Variants in CPA6 observed in about 807,000 individuals in gnomAD.
CPA6 encodes carboxypeptidase A6, also known as carboxypeptidase B.
Under a neutral mutation model 63.3 loss-of-function variants are expected in CPA6, and 58 were observed. That is an observed-to-expected ratio of 0.92 (90% confidence interval 0.74 to 1.14). The LOEUF (loss-of-function observed/expected upper bound fraction) is 1.14, where lower values mean the gene tolerates loss of function less well. CPA6 is among the 50% of genes most tolerant of loss of function. The probability of loss-of-function intolerance (pLI) is 0.00; values close to 1 mark genes in which losing one functional copy is unlikely to be tolerated. For synonymous variants in CPA6, 185 were observed against 179.0 expected, an observed-to-expected ratio of 1.03 and a Z score of -0.27; for missense variants, 565 against 526.6, an observed-to-expected ratio of 1.07 and a Z score of -0.71.
intron 2 of CPA6, among the ~76,000 whole-genome samples, chr8:67,545,887 C>A (rs746616979): frequency 1.3e-5 from 2 of 152,050 alleles, no homozygotes; most frequent in Non-Finnish European, 2.9e-5. Flanking sequence ...TAAAATGCAG[C>A]CACCTACTGA....
intron 2 of CPA6, among the ~76,000 whole-genome samples, chr8:67,591,424 C>A (rs933324103): frequency 1.1e-4 from 16 of 152,058 alleles, no homozygotes; most frequent in Non-Finnish European, 1.6e-4. Context: ...TCTGTGAAGA[C>A]AGTCATTGGT....
At chr8:67,523,013 G>A (rs1172981591) in intron 2 of CPA6, among the ~76,000 whole-genome samples, 1 of 152,228 alleles carries the variant, frequency 6.6e-6, no homozygotes, top group Non-Finnish European at 1.5e-5. Context: ...TTATCATGGA[G>A]ATTACAGTGA....
intron 2 of CPA6, among the ~76,000 whole-genome samples, chr8:67,596,758 A>G (rs1587615580): frequency 6.6e-6 from 1 of 152,322 alleles, no homozygotes. Flanking sequence ...TCATAGTTTT[A>G]TTCAGTGGAC....
At chr8:67,435,011 C>T (rs1402372563) in intron 8 of CPA6, among the ~76,000 whole-genome samples, 2 of 152,204 alleles carry the variant, frequency 1.3e-5, no homozygotes, top group African/African-American at 4.8e-5. Context: ...CTCCTGGTGT[C>T]AAGGACTGAG....
Position 67,518,036 on chromosome 8 carries a change from C to A in CPA6, c.204G>T (p.Trp68Cys). 1 of 1,596,308 alleles carries A rather than the reference C, an allele frequency of 6.3e-7. No homozygotes were observed. Residue 68 changes from tryptophan to cysteine, a missense_variant, in exon 3 of 11, where the codon TGG (tryptophan) becomes TGT (cysteine). Trp to Cys is a radical substitution (Grantham distance 215, BLOSUM62 -2). Coordinates refer to ENST00000297770, the MANE Select transcript of CPA6 (RefSeq NM_020361.5). ...KISYQLKVDL[W>C]QPSSISYVSE... Reference sequence around the variant, plus strand: ...ATACATAGGAGATACTGCTGGGCTGCCACAGGTCCACCTGTAGTGCAGGAA... The same window carrying A: ...ATACATAGGAGATACTGCTGGGCTGACACAGGTCCACCTGTAGTGCAGGAA...
chr8:67,667,014 TA>T (rs1431623732), intron 1 of CPA6, among the ~76,000 whole-genome samples: 2 of 151,958 alleles, frequency 1.3e-5, no homozygotes, highest in Non-Finnish European at 2.9e-5. Context: ...GGCATGTGGT[TA>T]TTACTGTCTG....
chr8:67,605,153 C>T (rs1814599243), intron 2 of CPA6, among the ~76,000 whole-genome samples: 1 of 150,994 alleles, frequency 6.6e-6, no homozygotes, highest in Admixed American at 6.6e-5. Context: ...TGTCTGAAGT[C>T]CAGTTTCTAC....
In CPA6 at chr8:67,549,473, C is replaced by T. The variant is rs188963479; in HGVS notation, c.193-31426G>A. Reference sequence around the variant, plus strand: ...TTCTGAAGTTTCCTCCCACACTCTTCTTTTTGTGACAAAAACACTTAACAT... The same window carrying T: ...TTCTGAAGTTTCCTCCCACACTCTTTTTTTTGTGACAAAAACACTTAACAT... On this transcript the variant is annotated intron_variant, in intron 2 of 10. Transcript: ENST00000297770. Among the ~76,000 whole-genome samples the T allele has an allele frequency of 7.5e-3, 1,142 of 152,320 alleles. 19 individuals carry two copies. Among genetic ancestry groups the T allele is most frequent in the Admixed American group, 0.039 (596 of 15,300 alleles).
At chr8:67,573,004 T>C (rs1813524696) in intron 2 of CPA6, among the ~76,000 whole-genome samples, 2 of 152,230 alleles carry the variant, frequency 1.3e-5, no homozygotes, top group African/African-American at 4.8e-5. Flanking sequence ...GACACCATAT[T>C]AACATAATCA....
intron 3 of CPA6, among the ~76,000 whole-genome samples, chr8:67,512,475 A>C (rs559460641): frequency 3.0e-4 from 46 of 152,362 alleles, no homozygotes; most frequent in African/African-American, 1.0e-3. Context: ...ATTATAGTGA[A>C]TGCATTTGGA....
chr8:67,483,913 A>T, intron 7 of CPA6, 55 bp from the exon 8 acceptor site: 3 of 1,332,230 alleles, frequency 2.3e-6, no homozygotes, highest in Non-Finnish European at 3.2e-6. Context: ...GGTTATTCGC[A>T]TGCATTTTAA....
intron 6 of CPA6, among the ~76,000 whole-genome samples, chr8:67,496,307 T>C (rs1435906537): frequency 6.6e-6 from 1 of 151,948 alleles, no homozygotes; most frequent in Admixed American, 6.6e-5. Flanking sequence ...GCCCATAATA[T>C]AAGCAGAATG....
chr8:67,649,375 AC>A (rs1815786253), intron 1 of CPA6, among the ~76,000 whole-genome samples: 1 of 152,166 alleles, frequency 6.6e-6, no homozygotes, highest in Admixed American at 6.5e-5. Flanking sequence ...TGATGTTTTT[AC>A]TTTAATCCTA....
chr8:67,688,245 A>G (rs1046328357), intron 1 of CPA6, among the ~76,000 whole-genome samples: 16 of 152,220 alleles, frequency 1.1e-4, no homozygotes, highest in African/African-American at 3.9e-4. Flanking sequence ...TTTCACTTCA[A>G]GAAAGACAAA....
intron 2 of CPA6, among the ~76,000 whole-genome samples, chr8:67,547,556 G>C (rs1207005191): frequency 6.6e-6 from 1 of 150,808 alleles, no homozygotes; most frequent in African/African-American, 2.4e-5. Context: ...GGAGTGCAGT[G>C]GTGCGATAAT....
intron 1 of CPA6, among the ~76,000 whole-genome samples, chr8:67,707,415 C>T (rs1817160347): frequency 6.6e-6 from 1 of 152,184 alleles, no homozygotes; most frequent in Non-Finnish European, 1.5e-5. Context: ...TAAGTATACT[C>T]CTATAAACAA....
intron 1 of CPA6, among the ~76,000 whole-genome samples, chr8:67,669,097 G>A (rs754108364): frequency 5.6e-4 from 85 of 152,322 alleles, no homozygotes; most frequent in Non-Finnish European, 5.1e-4. Context: ...TAGAAATCCA[G>A]TACCATTATC....
intron 2 of CPA6, among the ~76,000 whole-genome samples, chr8:67,617,552 C>T (rs1040319296): frequency 2.6e-5 from 4 of 152,200 alleles, no homozygotes; most frequent in African/African-American, 7.2e-5. Flanking sequence ...CTCACTTTTA[C>T]CTTTTATGAA....
chr8:67,494,308 C>T (rs1014414451), intron 6 of CPA6, among the ~76,000 whole-genome samples: 4 of 151,932 alleles, frequency 2.6e-5, no homozygotes, highest in Admixed American at 6.6e-5. Flanking sequence ...CATTCCTTTA[C>T]GCCTCTTTCT....
Sources: allele counts gnomAD v4.1 joint callset (sites outside exome capture counted in the v4.1 genomes callset), GRCh38; gene constraint gnomAD v4.1.1; transcripts MANE v1.5; gene names NCBI Gene and HGNC (gene_info 2026-07-23, HGNC 2026-07-21).